The following IARS1 variants were observed in gnomAD, a reference collection of about 807,000 sequenced individuals.
The protein encoded by IARS1 is isoleucine--tRNA ligase, cytoplasmic.
IARS1 carries 124 observed loss-of-function variants against 168.2 expected under a neutral mutation model. The observed-to-expected ratio is 0.74, with a 90% CI of 0.64 to 0.86. The LOEUF (loss-of-function observed/expected upper bound fraction) is 0.86, where lower values mean the gene tolerates loss of function less well. IARS1 is among the 40% of genes least tolerant of loss of function. The pLI is 0.00. For synonymous variants in IARS1, 532 were observed against 529.4 expected, an observed-to-expected ratio of 1.00 and a Z score of -0.07; for missense variants, 1,452 against 1,515.8, an observed-to-expected ratio of 0.96 and a Z score of 0.70.
chr9:92,286,157 A>G lies in IARS1; in HGVS notation c.480-318T>C, dbSNP rs1835423291. On this transcript the variant is annotated intron_variant, in intron 5 of 33. Transcript: ENST00000443024. ...TCAAGGTGGATGGATCACCTAGGTC[A>G]GAAGTTCGAGACCACCCTGGCCAAC... The G allele has an allele frequency of 1.4e-5, 4 of 285,606 alleles. 1 individual carries two copies. The highest frequency in any genetic ancestry group is 1.2e-3 in the Middle Eastern group (1 of 858). 17.7% of individuals were successfully genotyped at this position (285,606 alleles called of 1,614,324 possible).
chr9:92,270,447 A>G (rs1259456355), intron 12 of IARS1, among the ~76,000 whole-genome samples: 1 of 152,202 alleles, frequency 6.6e-6, no homozygotes, highest in Non-Finnish European at 1.5e-5. Context: ...AGATTTGTAC[A>G]GGTCTATTTT....
At chr9:92,282,487 A>G (rs767040215) in intron 6 of IARS1, among the ~76,000 whole-genome samples, 35 of 152,032 alleles carry the variant, frequency 2.3e-4, no homozygotes, top group Non-Finnish European at 3.8e-4. Context: ...AAAAATTAAA[A>G]TTTTTTAGCA....
At chr9:92,269,791 T>C in intron 13 of IARS1, 94 bp downstream of exon 13, 1 of 781,386 alleles carries the variant, frequency 1.3e-6, no homozygotes, top group Non-Finnish European at 2.2e-6. Context: ...CAATAAAAGA[T>C]GGGTTATTAA....
Position 92,251,849 on chromosome 9 carries a change from C to T in IARS1, c.2266G>A (p.Glu756Lys). 1 of 1,614,000 alleles carries T rather than the reference C, an allele frequency of 6.2e-7. No homozygotes were observed. The highest frequency in any genetic ancestry group is 2.2e-5 in the East Asian group (1 of 44,886). Residue 756 changes from glutamate to lysine, a missense_variant, in exon 22 of 34, where the codon GAA becomes AAA. By Grantham distance (56) the Glu-to-Lys change is moderately conservative. Coordinates refer to ENST00000443024, the MANE Select transcript of IARS1 (RefSeq NM_002161.6). ...NGMEDCVMAL[E>K]TLFSVLLSLC... ...GAAAGCAGAACACTAAACAAGGTTT[C>T]TAGGGCCATGACACAATCCTCCATC...
intron 30 of IARS1, among the ~76,000 whole-genome samples, chr9:92,235,231 C>T (rs1274302481): frequency 1.3e-5 from 2 of 152,120 alleles, no homozygotes; most frequent in Admixed American, 6.5e-5. Flanking sequence ...CTCGTCATGC[C>T]GTGGTCCACT....
intron 9 of IARS1, among the ~76,000 whole-genome samples, chr9:92,275,070 T>C (rs1833600933): frequency 6.6e-6 from 1 of 152,240 alleles, no homozygotes; most frequent in Admixed American, 6.5e-5. Flanking sequence ...GCAACAGCAA[T>C]ATCATCATGT....
intron 14 of IARS1, among the ~76,000 whole-genome samples, chr9:92,267,896 A>G (rs906406197): frequency 6.6e-6 from 1 of 152,178 alleles, no homozygotes; most frequent in East Asian, 1.9e-4. Context: ...GAAACACACA[A>G]AAAAAACATT....
intron 20 of IARS1, among the ~76,000 whole-genome samples, chr9:92,254,020 G>C (rs1422105429): frequency 1.3e-5 from 2 of 152,194 alleles, no homozygotes; most frequent in African/African-American, 4.8e-5. Context: ...CTAATGGGTA[G>C]ACCCAGAGAT....
chr9:92,227,379 C>T (rs1321821794), intron 31 of IARS1, among the ~76,000 whole-genome samples: 10 of 149,864 alleles, frequency 6.7e-5, no homozygotes, highest in African/African-American at 2.5e-4. Flanking sequence ...CCAGTAGGGG[C>T]GGCCGGGCAG....
chr9:92,274,482 A>C lies in IARS1; in HGVS notation c.934T>G (p.Tyr312Asp). ...NGAFTVLVDN[Y>D]VKEEEGTGVV... ...CCTGTGCCTTCTTCTTCCTTCACAT[A>C]GTTGTCAACAAGCACAGTGAAAGCG... The change falls in exon 10 of 34, where the codon TAT (tyrosine) becomes GAT (aspartate). Residue 312 changes from tyrosine to aspartate, a missense_variant. Physicochemically the swap from Tyr to Asp is radical, Grantham distance 160 (BLOSUM62 -3). Coordinates refer to ENST00000443024, the MANE Select transcript of IARS1 (RefSeq NM_002161.6). The C allele has an allele frequency of 6.2e-7, 1 of 1,613,944 alleles. No homozygotes were observed. The highest frequency in any genetic ancestry group is 8.5e-7 in the Non-Finnish European group (1 of 1,179,872).
chr9:92,282,830 A>C (rs894486585), intron 6 of IARS1, among the ~76,000 whole-genome samples: 1 of 144,856 alleles, frequency 6.9e-6, no homozygotes, highest in African/African-American at 2.6e-5. Flanking sequence ...ACATATATAC[A>C]TACACACACA....
chr9:92,220,927 G>A (rs984471754), intron 33 of IARS1, among the ~76,000 whole-genome samples: 8 of 152,172 alleles, frequency 5.3e-5, no homozygotes, highest in African/African-American at 1.9e-4. Context: ...TTGAGCCACT[G>A]CACTGCAGCC....
intron 33 of IARS1, 36 bp from the exon 34 acceptor site, chr9:92,210,925 A>G (rs375523150): frequency 7.7e-7 from 1 of 1,305,052 alleles, no homozygotes; most frequent in Non-Finnish European, 1.1e-6. Context: ...AAAAATCAGT[A>G]TTTTACCTAT....
chr9:92,216,935 T>C (rs1838805057), intron 33 of IARS1, among the ~76,000 whole-genome samples: 1 of 151,310 alleles, frequency 6.6e-6, no homozygotes, highest in African/African-American at 2.4e-5. Context: ...AGTAGACATC[T>C]ACAGAACTCT....
At chr9:92,225,370 C>T (rs1825510333) in intron 31 of IARS1, among the ~76,000 whole-genome samples, 1 of 152,174 alleles carries the variant, frequency 6.6e-6, no homozygotes, top group Non-Finnish European at 1.5e-5. Context: ...TTTCCACTCT[C>T]TTATTTCCTT....
chr9:92,238,616 C>T (rs1033232877), intron 30 of IARS1, among the ~76,000 whole-genome samples: 5 of 152,156 alleles, frequency 3.3e-5, no homozygotes, highest in African/African-American at 1.2e-4. Context: ...TAGCCAGCCT[C>T]AGGTATTCCT....
chr9:92,231,653 C>G (rs1466501136), intron 30 of IARS1, among the ~76,000 whole-genome samples: 2 of 150,838 alleles, frequency 1.3e-5, no homozygotes, highest in Admixed American at 1.3e-4. Flanking sequence ...GTCTTGAACT[C>G]CTGACCTCAG....
intron 30 of IARS1, among the ~76,000 whole-genome samples, chr9:92,235,501 A>G (rs1350271061): frequency 6.6e-6 from 1 of 150,498 alleles, no homozygotes; most frequent in African/African-American, 2.5e-5. Context: ...TGACAATACG[A>G]TAATTACATT....
At chr9:92,270,100 A>G in intron 12 of IARS1, 117 bp from the exon 13 acceptor site, 1 of 591,858 alleles carries the variant, frequency 1.7e-6, no homozygotes, top group South Asian at 2.2e-5. Context: ...TTCTGCTAAT[A>G]TTCATTTTTA....
Sources: allele counts gnomAD v4.1 joint callset (sites outside exome capture counted in the v4.1 genomes callset), GRCh38; gene constraint gnomAD v4.1.1; transcripts MANE v1.5; gene names NCBI Gene and HGNC (gene_info 2026-07-23, HGNC 2026-07-21).